The following NEK7 variants were observed in gnomAD, a reference collection of about 807,000 sequenced individuals.
NEK7 encodes the protein serine/threonine-protein kinase Nek7.
Under a neutral mutation model 44.6 loss-of-function variants are expected in NEK7, and 18 were observed. The observed-to-expected ratio is 0.40, with a 90% CI of 0.28 to 0.60. The LOEUF is 0.60. Ranked by LOEUF, NEK7 falls within the 20% of genes least tolerant of loss-of-function variation. NEK7 has a pLI of 0.38. For synonymous variants in NEK7, 130 were observed against 121.1 expected, an observed-to-expected ratio of 1.07 and a Z score of -0.48; for missense variants, 256 against 366.5, an observed-to-expected ratio of 0.70 and a Z score of 2.46.
intron 6 of NEK7, 85 bp downstream of exon 6, chr1:198,278,154 T>C: frequency 2.8e-6 from 2 of 701,994 alleles, no homozygotes; most frequent in Admixed American, 5.1e-5. Context: ...CAGTACATAA[T>C]ACCATACTTT....
chr1:198,252,772 T>C (rs993683664), intron 2 of NEK7, among the ~76,000 whole-genome samples: 20 of 151,518 alleles, frequency 1.3e-4, no homozygotes, highest in Admixed American at 6.6e-4. Context: ...CATATATATA[T>C]ATGTATGTTT....
At chr1:198,292,525 C>T (rs1286915637) in intron 7 of NEK7, among the ~76,000 whole-genome samples, 5 of 151,910 alleles carry the variant, frequency 3.3e-5, no homozygotes, top group Non-Finnish European at 7.4e-5. Context: ...GATTTATTTA[C>T]TCATACTCTA....
intron 1 of NEK7, among the ~76,000 whole-genome samples, chr1:198,211,721 T>G (rs1665776841): frequency 6.6e-6 from 1 of 152,196 alleles, no homozygotes; most frequent in Admixed American, 6.5e-5. Context: ...AGTTTTTTTT[T>G]GGCAAGATGG....
At chr1:198,172,034 C>T (rs963244051) in intron 1 of NEK7, among the ~76,000 whole-genome samples, 6 of 152,252 alleles carry the variant, frequency 3.9e-5, no homozygotes, top group Non-Finnish European at 7.4e-5. Context: ...CTTAAGCTAT[C>T]GGAATTGCCT....
intron 1 of NEK7, among the ~76,000 whole-genome samples, chr1:198,193,376 A>C (rs2102771808): frequency 6.6e-6 from 1 of 152,324 alleles, no homozygotes; most frequent in Non-Finnish European, 1.5e-5. Flanking sequence ...AATCTATGGG[A>C]GGTACAAAAA....
intron 1 of NEK7, among the ~76,000 whole-genome samples, chr1:198,193,533 C>T (rs369414218): frequency 3.3e-5 from 5 of 152,126 alleles, no homozygotes; most frequent in South Asian, 2.1e-4. Flanking sequence ...CCAATATGCC[C>T]GATGAACATC....
At chr1:198,185,760 A>T (rs945351489) in intron 1 of NEK7, among the ~76,000 whole-genome samples, 1 of 152,130 alleles carries the variant, frequency 6.6e-6, no homozygotes, top group Admixed American at 6.6e-5. Flanking sequence ...AGTGCTGAGT[A>T]CCAGGATGGC....
intron 1 of NEK7, among the ~76,000 whole-genome samples, chr1:198,192,619 T>G (rs1158859042): frequency 6.6e-6 from 1 of 152,072 alleles, no homozygotes; most frequent in Admixed American, 6.6e-5. Flanking sequence ...AACAGTCTCT[T>G]AGATCACAGT....
At chr1:198,264,603 C>A (rs1305664227) in intron 5 of NEK7, among the ~76,000 whole-genome samples, 1 of 131,074 alleles carries the variant, frequency 7.6e-6, no homozygotes, top group Non-Finnish European at 1.6e-5. Flanking sequence ...AGCAGCTTGA[C>A]CTGTTTCTTG....
At chr1:198,269,566 C>A (rs1361626384) in intron 5 of NEK7, among the ~76,000 whole-genome samples, 3 of 151,974 alleles carry the variant, frequency 2.0e-5, no homozygotes, top group African/African-American at 7.2e-5. Flanking sequence ...TGATTCATTT[C>A]TTTTTAGTGA....
At chr1:198,256,516 T>G in intron 3 of NEK7, 1 of 1,537,774 alleles carries the variant, frequency 6.5e-7, no homozygotes, top group East Asian at 2.4e-5. Flanking sequence ...ATAAAACAAT[T>G]TTGAAATTCT....
chr1:198,176,317 A>T (rs542409821), intron 1 of NEK7, among the ~76,000 whole-genome samples: 6 of 152,300 alleles, frequency 3.9e-5, no homozygotes, highest in African/African-American at 1.4e-4. Flanking sequence ...TACGTATTTT[A>T]AAAAAGGCTA....
At chr1:198,184,194 G>T (rs1006225987) in intron 1 of NEK7, among the ~76,000 whole-genome samples, 1 of 152,152 alleles carries the variant, frequency 6.6e-6, no homozygotes, top group Non-Finnish European at 1.5e-5. Flanking sequence ...AGTATGCAAG[G>T]ATTTGACTTT....
chr1:198,193,546 T>C (rs991105503), intron 1 of NEK7, among the ~76,000 whole-genome samples: 1 of 152,158 alleles, frequency 6.6e-6, no homozygotes, highest in African/African-American at 2.4e-5. Flanking sequence ...TGAACATCAA[T>C]GCAAAAATCC....
At chr1:198,191,764 A>G (rs1571516271) in intron 1 of NEK7, among the ~76,000 whole-genome samples, 1 of 151,998 alleles carries the variant, frequency 6.6e-6, no homozygotes, top group Non-Finnish European at 1.5e-5. Flanking sequence ...TTTCATATTT[A>G]GTTCTTTAAT....
chr1:198,190,110 C>G (rs898928086), intron 1 of NEK7, among the ~76,000 whole-genome samples: 1 of 152,076 alleles, frequency 6.6e-6, no homozygotes, highest in Non-Finnish European at 1.5e-5. Flanking sequence ...AATATTACTG[C>G]CACATTAAGT....
chr1:198,216,505 A>C (rs921528655), intron 1 of NEK7, among the ~76,000 whole-genome samples: 36 of 152,082 alleles, frequency 2.4e-4, no homozygotes, highest in African/African-American at 7.7e-4. Flanking sequence ...TTGGCAACCC[A>C]ATGTCACACC....
At chr1:198,270,772 T>A (rs1390288119) in intron 5 of NEK7, among the ~76,000 whole-genome samples, 1 of 152,130 alleles carries the variant, frequency 6.6e-6, no homozygotes, top group Non-Finnish European at 1.5e-5. Flanking sequence ...ATTAATTTTT[T>A]ATTGCTGCAT....
intron 1 of NEK7, among the ~76,000 whole-genome samples, chr1:198,214,117 C>T (rs1363064491): frequency 6.6e-6 from 1 of 152,072 alleles, no homozygotes; most frequent in African/African-American, 2.4e-5. Flanking sequence ...CCACTGAAAG[C>T]CCCCAGAGCT....
Sources: allele counts gnomAD v4.1 joint callset (sites outside exome capture counted in the v4.1 genomes callset), GRCh38; gene constraint gnomAD v4.1.1; transcripts MANE v1.5; gene names NCBI Gene and HGNC (gene_info 2026-07-23, HGNC 2026-07-21).